Variants in DCC observed in about 807,000 individuals in gnomAD.
DCC encodes the protein DCC netrin 1 receptor, also known as netrin receptor DCC.
Under a neutral mutation model 172.5 loss-of-function variants are expected in DCC, and 58 were observed. The observed-to-expected ratio is 0.34, with a 90% confidence interval of 0.27 to 0.42. DCC has a LOEUF of 0.42. Among genes scored for constraint, DCC ranks in the 10% least tolerant of loss-of-function variants. The probability of loss-of-function intolerance (pLI) is 1.00; values close to 1 mark genes in which losing one functional copy is unlikely to be tolerated. For synonymous variants in DCC, 709 were observed against 644.5 expected, an observed-to-expected ratio of 1.10 and a Z score of -1.52; for missense variants, 1,740 against 1,791.0, an observed-to-expected ratio of 0.97 and a Z score of 0.51.
chr18:52,726,381 T>G (rs4609945), intron 1 of DCC, among the ~76,000 whole-genome samples: 1 of 152,056 alleles, frequency 6.6e-6, no homozygotes, highest in Admixed American at 6.6e-5. Flanking sequence ...CTATTAAACC[T>G]CATCTCTTTC....
At chr18:53,036,490 T>G (rs2042094204) in intron 5 of DCC, among the ~76,000 whole-genome samples, 1 of 152,078 alleles carries the variant, frequency 6.6e-6, no homozygotes, top group African/African-American at 2.4e-5. Flanking sequence ...ATATCTGATT[T>G]TGCAACTTTC....
rs375191257 is a variant in DCC at position 53,205,307 on chromosome 18, C to T, written c.1665C>T (p.Asn555=). ...LITWEPPAYA[N]GPVQGYRLFC... The stretch of plus-strand genomic sequence containing the variant: ...CCTGGGAACCCCCTGCCTATGCAAA[C>T]GGTCCAGTCCAAGGTTACAGATTGT... Residue 555 remains asparagine, a synonymous_variant, in exon 10 of 29, where the codon AAC becomes AAT. Coordinates refer to ENST00000442544, the MANE Select transcript of DCC (RefSeq NM_005215.4). 65 of 1,613,898 alleles carry T rather than the reference C, an allele frequency of 4.0e-5. No individual in the cohort carries two copies. The highest frequency in any genetic ancestry group is 1.6e-4 in the East Asian group (7 of 44,868).
At chr18:53,090,732 A>AAAAAAAAAAT (rs1568298492) in intron 7 of DCC, among the ~76,000 whole-genome samples, 3 of 129,078 alleles carry the variant, frequency 2.3e-5, no homozygotes, top group Non-Finnish European at 5.0e-5. Flanking sequence ...AAAAAAAAAA[A>AAAAAAAAAAT]AAGAATGTAT....
At chr18:53,185,921 C>T (rs1194223721) in intron 9 of DCC, among the ~76,000 whole-genome samples, 3 of 152,312 alleles carry the variant, frequency 2.0e-5, no homozygotes, top group East Asian at 1.9e-4. Context: ...TGAAGATATG[C>T]TGTTTATTTA....
At position 52,699,415 on chromosome 18, in the gene DCC, C is replaced by T. The variant is rs531130176; in HGVS notation, c.92-52639C>T. On this transcript the variant is annotated intron_variant, in intron 1 of 28. Coordinates refer to ENST00000442544, the MANE Select transcript of DCC (RefSeq NM_005215.4). ...ATATCTGAATTATCCCCTATCCCCC[C>T]CAAGGTTTGACTGTGATGGCAGCAA... Among the ~76,000 whole-genome samples the T allele has an allele frequency of 1.2e-4, 18 of 152,280 alleles. No individual in the cohort carries two copies. In the South Asian group the frequency reaches 3.5e-3, roughly 30 times the overall value.
chr18:53,391,535 C>A, intron 16 of DCC, 120 bp from the exon 17 acceptor site: 1 of 723,312 alleles, frequency 1.4e-6, no homozygotes. Flanking sequence ...CTCATGTTCC[C>A]TTTCATCATT....
intron 2 of DCC, among the ~76,000 whole-genome samples, chr18:52,792,105 GAGTACCTATTCCACT>G (rs2037782471): frequency 6.6e-6 from 1 of 152,064 alleles, no homozygotes; most frequent in Admixed American, 6.5e-5. Flanking sequence ...CTCATGGAGA[GAGTACCTATTCCACT>G]AGTTGGTGCT....
chr18:53,260,809 T>G (rs1433386837), intron 12 of DCC, among the ~76,000 whole-genome samples: 1 of 152,188 alleles, frequency 6.6e-6, no homozygotes, highest in Non-Finnish European at 1.5e-5. Context: ...AGGTGGAGTC[T>G]ACAGAGGCAG....
chr18:53,257,314 GT>G (rs1364388604), intron 12 of DCC, among the ~76,000 whole-genome samples: 1 of 152,162 alleles, frequency 6.6e-6, no homozygotes, highest in Non-Finnish European at 1.5e-5. Context: ...AATGCTTCCA[GT>G]TTTTGCCCAT....
chr18:52,635,939 C>T (rs2034769870), intron 1 of DCC, among the ~76,000 whole-genome samples: 1 of 152,216 alleles, frequency 6.6e-6, no homozygotes, highest in South Asian at 2.1e-4. Context: ...AGCAAACTAA[C>T]AATCCCAAGA....
rs186800457 is a variant in DCC at position 53,068,486 on chromosome 18, T to A, written c.1261+2320T>A. Among the ~76,000 whole-genome samples the A allele has an allele frequency of 1.3e-3, 192 of 144,834 alleles. 1 individual carries two copies. The highest frequency in any genetic ancestry group is 4.3e-3 in the African/African-American group (167 of 39,194). On this transcript the variant is annotated intron_variant, in intron 7 of 28. Transcript: ENST00000442544. ...GTGCCTTTAAGCTGATATTGGCTGC[T>A]ACGCCAGTCACAGAACAGGAGAATT...
At position 53,088,549 on chromosome 18, in the gene DCC, A is replaced by T. The variant is rs539089046; in HGVS notation, c.1261+22383A>T. 2.6e-5 allele frequency among the ~76,000 whole-genome samples: 4 copies of T among 152,328 alleles called. No individual in the cohort carries two copies. The South Asian group carries it at 8.3e-4, about 32-fold the overall frequency. ...AGATATACAATCATGTCGTCTGCAA[A>T]TAGAGACACTAAAATAAGAGCAGAA... On this transcript the variant is annotated intron_variant, in intron 7 of 28. Transcript: ENST00000442544.
chr18:53,067,343 A>C (rs2042586525), intron 7 of DCC, among the ~76,000 whole-genome samples: 1 of 152,080 alleles, frequency 6.6e-6, no homozygotes, highest in South Asian at 2.1e-4. Flanking sequence ...CAACATGGCA[A>C]GACTTTGTCT....
chr18:53,237,911 GA>G (rs894317607), intron 12 of DCC, among the ~76,000 whole-genome samples: 45 of 152,178 alleles, frequency 3.0e-4, no homozygotes, highest in African/African-American at 1.0e-3. Context: ...TGCCACCCCT[GA>G]AAACAAAGAC....
intron 1 of DCC, among the ~76,000 whole-genome samples, chr18:52,423,807 AT>A (rs1409430874): frequency 1.3e-5 from 2 of 152,172 alleles, no homozygotes; most frequent in Non-Finnish European, 2.9e-5. Flanking sequence ...TTTCCTGAAC[AT>A]GTTTAAAGTG....
intron 1 of DCC, among the ~76,000 whole-genome samples, chr18:52,537,941 T>C (rs1240762664): frequency 6.6e-6 from 1 of 152,226 alleles, no homozygotes; most frequent in Non-Finnish European, 1.5e-5. Flanking sequence ...GCAGGATTAA[T>C]TTTTCTTGCC....
At chr18:52,483,486 T>G (rs1225150954) in intron 1 of DCC, among the ~76,000 whole-genome samples, 2 of 152,138 alleles carry the variant, frequency 1.3e-5, no homozygotes, top group Non-Finnish European at 2.9e-5. Flanking sequence ...GTCCTTATTT[T>G]ACTTATAAAT....
At chr18:53,130,960 T>A (rs1328489471) in intron 7 of DCC, among the ~76,000 whole-genome samples, 1 of 152,148 alleles carries the variant, frequency 6.6e-6, no homozygotes, top group Admixed American at 6.6e-5. Context: ...GGCGATCGAA[T>A]TAGAGAAAAA....
intron 1 of DCC, among the ~76,000 whole-genome samples, chr18:52,529,824 G>A (rs2032093900): frequency 6.6e-6 from 1 of 152,208 alleles, no homozygotes; most frequent in African/African-American, 2.4e-5. Flanking sequence ...CTGTGGATAT[G>A]AAGATGATAA....
Sources: allele counts gnomAD v4.1 joint callset (sites outside exome capture counted in the v4.1 genomes callset), GRCh38; gene constraint gnomAD v4.1.1; transcripts MANE v1.5; gene names NCBI Gene and HGNC (gene_info 2026-07-23, HGNC 2026-07-21).